Variants in ASCC3 observed in about 807,000 individuals in gnomAD.
The protein encoded by ASCC3 is ASC-1 complex subunit P200.
In ASCC3, 158 loss-of-function variants were observed where a neutral mutation model predicts 256.3. The ratio of observed to expected loss-of-function variants is 0.62; its 90% CI spans 0.54 to 0.70. The LOEUF (loss-of-function observed/expected upper bound fraction) is 0.70. Among genes scored for constraint, ASCC3 ranks in the 30% least tolerant of loss-of-function variants. The pLI is 0.00. For missense variants in ASCC3, 2,259 were observed against 2,626.0 expected, an observed-to-expected ratio of 0.86 and a Z score of 3.05; for synonymous variants, 948 against 883.4, an observed-to-expected ratio of 1.07 and a Z score of -1.30.
At chr6:100,760,404 A>G (rs959418599) in intron 10 of ASCC3, among the ~76,000 whole-genome samples, 1 of 152,182 alleles carries the variant, frequency 6.6e-6, no homozygotes, top group African/African-American at 2.4e-5. Context: ...ATCTATTGAG[A>G]TAATCGTGTG....
At chr6:100,665,794 GC>G (rs58442487) in intron 14 of ASCC3, among the ~76,000 whole-genome samples, 4,121 of 151,746 alleles carry the variant, frequency 0.027, 189 homozygotes, top group African/African-American at 0.096. Context: ...TGGAGATGAG[GC>G]CCAGGGATGT....
chr6:100,680,660 G>A (rs1036218325), intron 13 of ASCC3, among the ~76,000 whole-genome samples: 3 of 152,164 alleles, frequency 2.0e-5, no homozygotes, highest in African/African-American at 4.8e-5. Flanking sequence ...ATGTGTGGGT[G>A]CAGTAAATGA....
intron 30 of ASCC3, among the ~76,000 whole-genome samples, chr6:100,615,097 CCT>C (rs1250249607): frequency 1.3e-5 from 2 of 151,980 alleles, no homozygotes; most frequent in East Asian, 3.9e-4. Flanking sequence ...CTCACAGCAA[CCT>C]CTGTCTCCCA....
chr6:100,540,025 G>A (rs1368674792), intron 37 of ASCC3, 138 bp downstream of exon 37: 2 of 796,480 alleles, frequency 2.5e-6, no homozygotes, highest in South Asian at 2.9e-5. Context: ...GGAAATTCTT[G>A]ATATGATCAA....
At chr6:100,633,757 C>G (rs1029334433) in intron 25 of ASCC3, among the ~76,000 whole-genome samples, 1 of 151,594 alleles carries the variant, frequency 6.6e-6, no homozygotes, top group African/African-American at 2.4e-5. Context: ...GCCTGTAATC[C>G]CAGCTACTCG....
chr6:100,649,826 A>C (rs1775568103), intron 20 of ASCC3, among the ~76,000 whole-genome samples: 1 of 151,694 alleles, frequency 6.6e-6, no homozygotes, highest in Non-Finnish European at 1.5e-5. Context: ...TTTTTTAAAA[A>C]AGTATGTCTA....
intron 36 of ASCC3, among the ~76,000 whole-genome samples, chr6:100,562,871 G>C (rs897889460): frequency 1.3e-5 from 2 of 151,942 alleles, no homozygotes; most frequent in Non-Finnish European, 1.5e-5. Flanking sequence ...CAGTGTTAGG[G>C]AATGCCCAAC....
At chr6:100,721,922 A>T (rs1391835358) in intron 11 of ASCC3, among the ~76,000 whole-genome samples, 1 of 151,736 alleles carries the variant, frequency 6.6e-6, no homozygotes, top group African/African-American at 2.4e-5. Flanking sequence ...CAGTGTCAAG[A>T]ATGGTGTTTC....
At chr6:100,636,609 C>A (rs1258026084) in intron 25 of ASCC3, among the ~76,000 whole-genome samples, 1 of 152,126 alleles carries the variant, frequency 6.6e-6, no homozygotes, top group Non-Finnish European at 1.5e-5. Flanking sequence ...ATGTCGAAAG[C>A]TGAGATAGGC....
intron 14 of ASCC3, among the ~76,000 whole-genome samples, chr6:100,672,389 G>C (rs1228449140): frequency 6.6e-6 from 1 of 151,854 alleles, no homozygotes; most frequent in Non-Finnish European, 1.5e-5. Context: ...GCCTGGACTG[G>C]AATATAATTT....
At chr6:100,650,501 C>T (rs756582761) in intron 20 of ASCC3, 37 bp downstream of exon 20, 1 of 1,601,908 alleles carries the variant, frequency 6.2e-7, no homozygotes, top group Non-Finnish European at 8.5e-7. Flanking sequence ...TAAATATATT[C>T]AAGGAAGAGA....
At chr6:100,532,368 GTGTA>G (rs1397613816) in intron 37 of ASCC3, among the ~76,000 whole-genome samples, 141 of 116,840 alleles carry the variant, frequency 1.2e-3, no homozygotes, top group African/African-American at 4.8e-3. Context: ...GTGTGTGTGT[GTGTA>G]TGTGTGTATA....
chr6:100,721,978 A>C (rs1256514985), intron 11 of ASCC3, among the ~76,000 whole-genome samples: 1 of 151,812 alleles, frequency 6.6e-6, no homozygotes, highest in Non-Finnish European at 1.5e-5. Flanking sequence ...CTTACATTTA[A>C]ATCTTTAATC....
chr6:100,522,753 G>C (rs553564819), intron 37 of ASCC3, among the ~76,000 whole-genome samples: 1 of 151,662 alleles, frequency 6.6e-6, no homozygotes, highest in Admixed American at 6.6e-5. Flanking sequence ...ACCATTTAAC[G>C]TAAGTTATTG....
chr6:100,822,266 G>C (rs995485360), intron 4 of ASCC3, among the ~76,000 whole-genome samples: 1 of 152,212 alleles, frequency 6.6e-6, no homozygotes, highest in African/African-American at 2.4e-5. Context: ...GCCAGGCGCA[G>C]TGGCTCACGC....
At chr6:100,533,515 T>C (rs943647438) in intron 37 of ASCC3, among the ~76,000 whole-genome samples, 2 of 152,206 alleles carry the variant, frequency 1.3e-5, no homozygotes, top group Non-Finnish European at 2.9e-5. Flanking sequence ...CTTGATAACA[T>C]GAGCTGAAGG....
At chr6:100,804,404 T>C (rs1306222745) in intron 5 of ASCC3, among the ~76,000 whole-genome samples, 2 of 152,064 alleles carry the variant, frequency 1.3e-5, no homozygotes, top group Admixed American at 6.6e-5. Flanking sequence ...AGTAAGTATA[T>C]ATATTTTTTC....
Position 100,512,705 on chromosome 6 carries a change from A to G in ASCC3, c.6285+4T>C, listed in dbSNP as rs767067408. ...TATTTGAGAATGGAAACCAAACACT[A>G]TACCTTGTGGAACCCAAAGTGGACT... On this transcript the variant is annotated splice_donor_region_variant and intron_variant, in intron 40 of 41. Transcript: ENST00000369162. 1 of 1,613,938 alleles carries G rather than the reference A, an allele frequency of 6.2e-7. No homozygotes were observed. The highest frequency in any genetic ancestry group is 8.5e-7 in the Non-Finnish European group (1 of 1,179,814).
intron 10 of ASCC3, among the ~76,000 whole-genome samples, chr6:100,736,693 A>G (rs1044664371): frequency 6.6e-6 from 1 of 152,176 alleles, no homozygotes; most frequent in East Asian, 1.9e-4. Flanking sequence ...CCCTTGGCCT[A>G]ATGAGATGAT....
Sources: gnomAD v4.1 joint callset for allele counts (sites outside exome capture counted in the v4.1 genomes callset) on GRCh38, gnomAD v4.1.1 for gene constraint, MANE v1.5 for transcripts, NCBI Gene and HGNC (gene_info 2026-07-23, HGNC 2026-07-21) for gene names.